RYR3: variants seen among roughly 807,000 people sequenced by gnomAD.
RYR3 encodes the protein ryanodine receptor 3.
A neutral mutation model predicts 584.3 loss-of-function variants in RYR3; 207 were observed. The observed-to-expected ratio is 0.35, with a 90% confidence interval of 0.32 to 0.40. The LOEUF is 0.40. Ranked by LOEUF, RYR3 falls within the 10% of genes least tolerant of loss-of-function variation. The pLI is 1.00. For missense variants in RYR3, 5,616 were observed against 6,089.2 expected, an observed-to-expected ratio of 0.92 and a Z score of 2.59; for synonymous variants, 2,416 against 2,248.5, an observed-to-expected ratio of 1.07 and a Z score of -2.11.
rs2063233855 is a variant in RYR3, at chr15:33,662,640, C to G, written c.5110C>G (p.Gln1704Glu). 3 of 1,613,900 alleles carry G rather than the reference C, an allele frequency of 1.9e-6. No homozygotes were observed. Among genetic ancestry groups the G allele is most frequent in the Middle Eastern group, 1.6e-4 (1 of 6,084 alleles). The change falls in exon 35 of 104, where the codon CAG becomes GAG. Residue 1704 changes from glutamine to glutamate, a missense_variant. Transcript: ENST00000634891. ...KALSMLTEAV[Q>E]CSGAHIRDPV... ...TCTGAGTATGCTGACAGAGGCAGTG[C>G]AGTGCAGCGGGGCCCACATCCGAGA...
intron 49 of RYR3, among the ~76,000 whole-genome samples, chr15:33,736,720 T>C (rs1223807201): frequency 1.3e-5 from 2 of 152,132 alleles, no homozygotes; most frequent in Non-Finnish European, 2.9e-5. Flanking sequence ...TTTTCTTCTT[T>C]GTAAGAAATC....
In RYR3 at chr15:33,492,302, G is replaced by T. The variant is rs143880421; in HGVS notation, c.172-11329G>T. On this transcript the variant is annotated intron_variant, in intron 2 of 103. Transcript: ENST00000634891. ...TCTAGTTCTCTGTGGAGAGATACAAGAACTTTTTCCATTTTGGAGAAAAAT... is the reference window on the plus strand; with the variant it reads ...TCTAGTTCTCTGTGGAGAGATACAATAACTTTTTCCATTTTGGAGAAAAAT... Among the ~76,000 whole-genome samples the T allele has an allele frequency of 1.9e-3, 296 of 152,210 alleles. 3 individuals carry two copies. The highest frequency in any genetic ancestry group is 3.0e-3 in the African/African-American group (124 of 41,548).
rs2060863352 is a variant in RYR3 at position 33,624,130 on chromosome 15, A to G, written c.2574+107A>G. On this transcript the variant is annotated intron_variant, in intron 20 of 103. Coordinates refer to ENST00000634891, the MANE Select transcript of RYR3 (RefSeq NM_001036.6). ...CCTTTCTTAATATACATGCTCCAGA[A>G]TTGTTGTATAATGTGAACAACTGTT... 1.9e-5 allele frequency: 15 copies of G among 785,290 alleles called. No homozygotes were observed. In the East Asian group the frequency reaches 3.2e-4, roughly 17 times the overall value. 48.6% of individuals were successfully genotyped at this position (785,290 alleles called of 1,614,324 possible). A position where few individuals can be genotyped will look rare whatever the true frequency, so the allele number is the denominator to read the frequency against.
At chr15:33,498,859 TG>T (rs1159002820) in intron 2 of RYR3, among the ~76,000 whole-genome samples, 11 of 152,122 alleles carry the variant, frequency 7.2e-5, no homozygotes, top group African/African-American at 2.7e-4. Flanking sequence ...TTGTATATGG[TG>T]TGTGTGGGGT....
intron 42 of RYR3, among the ~76,000 whole-genome samples, chr15:33,701,325 C>A (rs1053062306): frequency 1.3e-5 from 2 of 152,124 alleles, no homozygotes; most frequent in South Asian, 4.1e-4. Flanking sequence ...TGTGTGGAAG[C>A]CCAGCCTCGT....
intron 51 of RYR3, 103 bp downstream of exon 51, chr15:33,740,098 T>C (rs2152834668): frequency 1.1e-6 from 1 of 928,488 alleles, no homozygotes; most frequent in Non-Finnish European, 1.6e-6. Flanking sequence ...CTTTCCCTCC[T>C]GCCAACACTG....
chr15:33,809,535 G>A (rs1246044450), intron 70 of RYR3, among the ~76,000 whole-genome samples: 3 of 151,592 alleles, frequency 2.0e-5, no homozygotes, highest in Non-Finnish European at 2.9e-5. Context: ...TCCCTGTGCC[G>A]TGGATGCTGA....
At chr15:33,333,066 CA>C (rs1195937254) in intron 1 of RYR3, among the ~76,000 whole-genome samples, 11,124 of 55,874 alleles carry the variant, frequency 0.2, 259 homozygotes, top group East Asian at 0.26. Context: ...GCCTACCAAC[CA>C]AAAAAAAAAA....
intron 10 of RYR3, among the ~76,000 whole-genome samples, chr15:33,552,580 A>T (rs2141264412): frequency 6.6e-6 from 1 of 152,338 alleles, no homozygotes; most frequent in South Asian, 2.1e-4. Flanking sequence ...GTAGTATTCA[A>T]CCTAGCTACC....
At chr15:33,534,500 A>G (rs1020583734) in intron 5 of RYR3, among the ~76,000 whole-genome samples, 3 of 152,226 alleles carry the variant, frequency 2.0e-5, no homozygotes, top group Non-Finnish European at 4.4e-5. Flanking sequence ...ATACTTTGGG[A>G]ACCAATGGAT....
intron 1 of RYR3, among the ~76,000 whole-genome samples, chr15:33,395,663 A>G (rs2042253986): frequency 1.3e-5 from 2 of 152,200 alleles, no homozygotes; most frequent in Non-Finnish European, 2.9e-5. Context: ...TTTGTCAGCC[A>G]TTCTAGAAAT....
intron 2 of RYR3, among the ~76,000 whole-genome samples, chr15:33,478,251 C>A (rs1024322860): frequency 1.3e-5 from 2 of 152,162 alleles, no homozygotes; most frequent in East Asian, 3.9e-4. Flanking sequence ...TCGGCAGAAA[C>A]CCCTATAGCA....
In RYR3 at chr15:33,468,073, C is replaced by T. The variant is rs183589278; in HGVS notation, c.52-5346C>T. ...TTGGTGCCATGGTAGAGAACTGACT[C>T]CTGATTCAGACAGTCCTGGGCTTAA... On this transcript the variant is annotated intron_variant, in intron 1 of 103. Coordinates refer to ENST00000634891, the MANE Select transcript of RYR3 (RefSeq NM_001036.6). 4.6e-5 allele frequency among the ~76,000 whole-genome samples: 7 copies of T among 152,272 alleles called. No individual in the cohort carries two copies. In the East Asian group the frequency reaches 7.7e-4, roughly 17 times the overall value.
At chr15:33,471,699 T>C (rs1300054642) in intron 1 of RYR3, among the ~76,000 whole-genome samples, 2 of 152,042 alleles carry the variant, frequency 1.3e-5, no homozygotes, top group African/African-American at 4.8e-5. Flanking sequence ...TTTTGTTTCT[T>C]TTTACTGGTT....
At position 33,639,065 on chromosome 15, in the gene RYR3, C is replaced by T. The variant is rs528789362; in HGVS notation, c.3556+2515C>T. Among the ~76,000 whole-genome samples the T allele has an allele frequency of 2.6e-3, 402 of 151,752 alleles. 3 individuals are homozygous for T. Among genetic ancestry groups the T allele is most frequent in the African/African-American group, 9.4e-3 (389 of 41,474 alleles). Reference sequence around the variant, plus strand: ...TGAGCCAAGCACCCTTGGACTTTACCCTCTAGGAAATGAGGGGCCATTATG... The same window carrying T: ...TGAGCCAAGCACCCTTGGACTTTACTCTCTAGGAAATGAGGGGCCATTATG... On this transcript the variant is annotated intron_variant, in intron 27 of 103. Coordinates refer to ENST00000634891, the MANE Select transcript of RYR3 (RefSeq NM_001036.6).
chr15:33,538,347 G>A (rs2055513119), intron 5 of RYR3, among the ~76,000 whole-genome samples: 2 of 152,162 alleles, frequency 1.3e-5, no homozygotes, highest in Non-Finnish European at 2.9e-5. Flanking sequence ...TAAAGCCACA[G>A]TATGTTTTAT....
chr15:33,617,133 G>A (rs1308950829), intron 19 of RYR3, among the ~76,000 whole-genome samples: 1 of 152,200 alleles, frequency 6.6e-6, no homozygotes, highest in Non-Finnish European at 1.5e-5. Flanking sequence ...GAAATGTATT[G>A]GTCGGGCGTG....
At chr15:33,383,769 C>T (rs1239930062) in intron 1 of RYR3, among the ~76,000 whole-genome samples, 1 of 152,140 alleles carries the variant, frequency 6.6e-6, no homozygotes, top group African/African-American at 2.4e-5. Flanking sequence ...TAGGTATATA[C>T]CCAAAGGAAA....
chr15:33,813,781 T>G, intron 74 of RYR3: 1 of 494,696 alleles, frequency 2.0e-6, no homozygotes, highest in Non-Finnish European at 3.6e-6. Context: ...TGAGATTCTC[T>G]AGAGCCCATT....
Sources: gnomAD v4.1 joint callset for allele counts (sites outside exome capture counted in the v4.1 genomes callset) on GRCh38, gnomAD v4.1.1 for gene constraint, MANE v1.5 for transcripts, NCBI Gene and HGNC (gene_info 2026-07-23, HGNC 2026-07-21) for gene names.